The following TPST2 variants were observed in gnomAD, a reference collection of about 807,000 sequenced individuals.
TPST2 encodes the protein tyrosylprotein sulfotransferase 2.
In TPST2, 16 loss-of-function variants were observed where a neutral mutation model predicts 27.8. That is an observed-to-expected ratio of 0.58 (90% CI 0.39 to 0.88). TPST2 has a LOEUF of 0.88. TPST2 is among the 40% of genes least tolerant of loss of function. The pLI is 0.00. For synonymous variants in TPST2, 229 were observed against 231.7 expected (o/e 0.99, Z 0.10); for missense variants, 464 against 543.1 (o/e 0.85, Z 1.45).
chr22:26,580,136 C>A (rs574094848), intron 1 of TPST2, among the ~76,000 whole-genome samples: 2 of 151,628 alleles, frequency 1.3e-5, no homozygotes, highest in East Asian at 3.9e-4. Context: ...CCCAGCTACT[C>A]GAGAGGCTGA....
At chr22:26,539,871 T>TGAGG (rs1925699081) in intron 3 of TPST2, among the ~76,000 whole-genome samples, 1 of 152,228 alleles carries the variant, frequency 6.6e-6, no homozygotes, top group African/African-American at 2.4e-5. Flanking sequence ...CAGTAACTTC[T>TGAGG]CCTCTGTGAG....
intron 1 of TPST2, among the ~76,000 whole-genome samples, chr22:26,562,002 C>T (rs1253006795): frequency 1.3e-5 from 2 of 152,238 alleles, no homozygotes; most frequent in African/African-American, 4.8e-5. Flanking sequence ...GTGACATTTC[C>T]AGCCTTGTTT....
chr22:26,569,226 C>T (rs925709335), intron 1 of TPST2, among the ~76,000 whole-genome samples: 3 of 152,142 alleles, frequency 2.0e-5, no homozygotes, highest in Admixed American at 6.5e-5. Flanking sequence ...ATCGGGACCC[C>T]GTTCCAGTAA....
At chr22:26,563,259 C>T (rs1361993851) in intron 1 of TPST2, among the ~76,000 whole-genome samples, 1 of 152,054 alleles carries the variant, frequency 6.6e-6, no homozygotes, top group Non-Finnish European at 1.5e-5. Flanking sequence ...CCAGAGGGCA[C>T]TGATATCCTT....
intron 1 of TPST2, among the ~76,000 whole-genome samples, chr22:26,588,233 G>T (rs1319251969): frequency 6.6e-6 from 1 of 151,628 alleles, no homozygotes; most frequent in Admixed American, 6.6e-5. Context: ...ACTGATACAG[G>T]CTGCAAGGGG....
intron 4 of TPST2, 132 bp downstream of exon 4, chr22:26,536,156 C>T: frequency 1.7e-6 from 2 of 1,202,602 alleles, no homozygotes; most frequent in Non-Finnish European, 2.4e-6. Flanking sequence ...TCACTGTGTC[C>T]ATCAGACAGG....
At chr22:26,540,673 G>C (rs1925741470) in intron 3 of TPST2, 116 bp downstream of exon 3, 3 of 917,980 alleles carry the variant, frequency 3.3e-6, no homozygotes, top group Non-Finnish European at 4.8e-6. Flanking sequence ...GGCTCAGAGA[G>C]ATATAGTGAC....
intron 2 of TPST2, chr22:26,542,998 G>A (rs1229739509): frequency 6.6e-6 from 1 of 152,322 alleles, no homozygotes; most frequent in Non-Finnish European, 1.5e-5. Context: ...CAGGCCTGGG[G>A]TGGAAACTGC....
chr22:26,528,169 C>A (rs377521008), intron 6 of TPST2, 45 bp downstream of exon 6: 29 of 1,551,612 alleles, frequency 1.9e-5, no homozygotes, highest in Non-Finnish European at 2.3e-5. Flanking sequence ...GGCTCCGGGG[C>A]CACCCAGAAG....
rs1048561942 is a variant in TPST2 at position 26,522,597 on chromosome 22, A to G, written c.*3678T>C. The G allele has an allele frequency of 6.6e-6, 1 of 152,184 alleles. No individual in the cohort carries two copies. The highest frequency in any genetic ancestry group is 1.5e-5 in the Non-Finnish European group (1 of 68,046). 9.4% of individuals were successfully genotyped at this position (152,184 alleles called of 1,614,324 possible). A position where few individuals can be genotyped will look rare whatever the true frequency, so the allele number is the denominator to read the frequency against. ...CAATTCTACTTCTCATTTTGCAGAG[A>G]CTCACTCATACAGTGGCATCAAGAG... is the stretch of plus-strand genomic sequence containing the variant. On this transcript the variant is annotated 3_prime_UTR_variant, in exon 7 of 7. Transcript: ENST00000338754.
At chr22:26,578,419 G>T (rs148497829) in intron 1 of TPST2, among the ~76,000 whole-genome samples, 340 of 152,302 alleles carry the variant, frequency 2.2e-3, no homozygotes, top group Non-Finnish European at 3.8e-3. Context: ...GGGAACTCTG[G>T]AAGTGGGGTA....
chr22:26,527,152 G>C (rs1425194491), intron 6 of TPST2, among the ~76,000 whole-genome samples: 1 of 152,194 alleles, frequency 6.6e-6, no homozygotes, highest in Non-Finnish European at 1.5e-5. Context: ...TTGCAGGTTG[G>C]AGCAAAGTAA....
At chr22:26,549,151 C>T (rs1042356192) in intron 1 of TPST2, among the ~76,000 whole-genome samples, 25 of 152,136 alleles carry the variant, frequency 1.6e-4, no homozygotes, top group Non-Finnish European at 4.4e-5. Flanking sequence ...CAGCACCTGG[C>T]CCAGAGCAAG....
intron 1 of TPST2, among the ~76,000 whole-genome samples, chr22:26,553,977 AT>A (rs1926636995): frequency 1.3e-5 from 2 of 152,276 alleles, no homozygotes; most frequent in South Asian, 4.1e-4. Context: ...GAATCCCCGC[AT>A]GCAGAACCCA....
intron 1 of TPST2, among the ~76,000 whole-genome samples, chr22:26,583,675 A>G (rs1928215220): frequency 6.6e-6 from 1 of 151,870 alleles, no homozygotes; most frequent in Non-Finnish European, 1.5e-5. Flanking sequence ...CCCTGTCTCT[A>G]CTAAAAATAC....
intron 3 of TPST2, among the ~76,000 whole-genome samples, chr22:26,540,491 C>T (rs1925730268): frequency 6.6e-6 from 1 of 152,146 alleles, no homozygotes; most frequent in African/African-American, 2.4e-5. Flanking sequence ...CCCAGCTACT[C>T]AGGAAGATGA....
At chr22:26,527,089 A>T (rs917002930) in intron 6 of TPST2, among the ~76,000 whole-genome samples, 25 of 152,014 alleles carry the variant, frequency 1.6e-4, no homozygotes, top group Admixed American at 5.9e-4. Context: ...AAAAACAAAA[A>T]CTCTGGGATC....
At chr22:26,550,142 A>C (rs1194102286) in intron 1 of TPST2, among the ~76,000 whole-genome samples, 1 of 152,140 alleles carries the variant, frequency 6.6e-6, no homozygotes, top group African/African-American at 2.4e-5. Flanking sequence ...GGGAGGGGCT[A>C]ATCAATCTAA....
chr22:26,531,235 CATA>C lies in TPST2; in HGVS notation c.1092+1457_1092+1459del, dbSNP rs371551061. ...TCTCCCTACTGTCCTCCACTGTGCA[CATA>C]ATGTCATTCTGGATGTTGTAAAAAC... On this transcript the variant is annotated intron_variant, in intron 5 of 6. Coordinates refer to ENST00000338754, the MANE Select transcript of TPST2 (RefSeq NM_003595.5). Among the ~76,000 whole-genome samples the C allele has an allele frequency of 2.6e-3, 395 of 152,240 alleles. 3 individuals are homozygous for C. Among genetic ancestry groups the C allele is most frequent in the African/African-American group, 9.0e-3 (374 of 41,542 alleles).
Sources: allele counts gnomAD v4.1 joint callset (sites outside exome capture counted in the v4.1 genomes callset), GRCh38; gene constraint gnomAD v4.1.1; transcripts MANE v1.5; gene names NCBI Gene and HGNC (gene_info 2026-07-23, HGNC 2026-07-21).